The following PTPRD variants were observed in gnomAD, a reference collection of about 807,000 sequenced individuals.
The protein encoded by PTPRD is receptor-type tyrosine-protein phosphatase delta.
PTPRD carries 34 observed loss-of-function variants against 214.5 expected under a neutral mutation model. The ratio of observed to expected loss-of-function variants is 0.16; its 90% CI spans 0.12 to 0.21. PTPRD has a LOEUF of 0.21. Among genes scored for constraint, PTPRD ranks in the 10% least tolerant of loss-of-function variants. The pLI, the probability that PTPRD is intolerant of heterozygous loss-of-function variation, is 1.00. For missense variants in PTPRD, 2,545 were observed against 2,398.7 expected (o/e 1.06, Z -1.27); for synonymous variants, 1,128 against 845.7 (o/e 1.33, Z -5.79).
intron 3 of PTPRD, among the ~76,000 whole-genome samples, chr9:10,039,166 TAATTG>T (rs1475703444): frequency 2.6e-5 from 4 of 152,132 alleles, no homozygotes; most frequent in African/African-American, 9.6e-5. Context: ...ATCAAAATTA[TAATTG>T]AATTCCTGAA....
At chr9:8,515,245 T>C (rs1040904253) in intron 21 of PTPRD, among the ~76,000 whole-genome samples, 7 of 152,306 alleles carry the variant, frequency 4.6e-5, no homozygotes, top group African/African-American at 1.4e-4. Flanking sequence ...AATTTACTCA[T>C]TGGCAAGTGG....
chr9:9,748,950 T>G (rs1375025918), intron 6 of PTPRD, among the ~76,000 whole-genome samples: 1 of 152,222 alleles, frequency 6.6e-6, no homozygotes, highest in Non-Finnish European at 1.5e-5. Context: ...TGGTGATAAT[T>G]TGAGGTGGGA....
At chr9:8,804,024 C>G (rs1466037693) in intron 11 of PTPRD, among the ~76,000 whole-genome samples, 1 of 152,000 alleles carries the variant, frequency 6.6e-6, no homozygotes, top group Non-Finnish European at 1.5e-5. Context: ...GCAATCTTGG[C>G]TCACTGCAAC....
At chr9:8,876,153 C>T (rs180675492) in intron 11 of PTPRD, among the ~76,000 whole-genome samples, 17 of 152,148 alleles carry the variant, frequency 1.1e-4, no homozygotes, top group Admixed American at 8.5e-4. Flanking sequence ...TTTGTGTTTC[C>T]ACCAGTTTTG....
rs189841566 is a variant in PTPRD, at chr9:8,316,866, G to A, written c.*1008C>T. On this transcript the variant is annotated 3_prime_UTR_variant, in exon 46 of 46. Transcript: ENST00000381196. Reference sequence around the variant, plus strand: ...GAGATGTTTACAATAGCTTTTCTACGTTTAAAAAAACTAAATCATGGAAGA... The same window carrying A: ...GAGATGTTTACAATAGCTTTTCTACATTTAAAAAAACTAAATCATGGAAGA... 54 of 229,772 alleles carry A rather than the reference G, an allele frequency of 2.4e-4. No homozygotes were observed. Among genetic ancestry groups the A allele is most frequent in the South Asian group, 1.8e-4 (1 of 5,480 alleles). 14.2% of individuals were successfully genotyped at this position (229,772 alleles called of 1,614,324 possible).
intron 8 of PTPRD, among the ~76,000 whole-genome samples, chr9:9,555,971 C>T (rs1591501877): frequency 6.6e-6 from 1 of 152,102 alleles, no homozygotes; most frequent in African/African-American, 2.4e-5. Flanking sequence ...TAAATTACTC[C>T]TTTTATGGCC....
At chr9:9,746,880 A>G (rs913103479) in intron 6 of PTPRD, among the ~76,000 whole-genome samples, 2 of 151,330 alleles carry the variant, frequency 1.3e-5, no homozygotes, top group African/African-American at 2.4e-5. Flanking sequence ...AAGACAAAAT[A>G]TAGACAAGTA....
chr9:9,865,638 A>G (rs572196201), intron 5 of PTPRD, among the ~76,000 whole-genome samples: 15 of 152,304 alleles, frequency 9.8e-5, no homozygotes, highest in African/African-American at 3.6e-4. Context: ...AAAATGGACT[A>G]AGACAATAAT....
intron 9 of PTPRD, among the ~76,000 whole-genome samples, chr9:9,301,971 C>T (rs1480006194): frequency 2.0e-5 from 3 of 151,858 alleles, no homozygotes; most frequent in African/African-American, 7.2e-5. Flanking sequence ...GGTTCATTCA[C>T]TATTTAAAGT....
intron 4 of PTPRD, among the ~76,000 whole-genome samples, chr9:10,008,718 G>A (rs1414697991): frequency 6.6e-6 from 1 of 151,868 alleles, no homozygotes; most frequent in African/African-American, 2.4e-5. Context: ...CCTATAGGCT[G>A]TAACCTGGTA....
intron 11 of PTPRD, among the ~76,000 whole-genome samples, chr9:8,787,913 CT>C (rs1334364914): frequency 7.3e-6 from 1 of 136,512 alleles, no homozygotes; most frequent in African/African-American, 2.8e-5. Flanking sequence ...ACCCTATCAC[CT>C]TTTTTTAAAA....
chr9:8,910,159 C>G (rs2098737404), intron 11 of PTPRD, among the ~76,000 whole-genome samples: 2 of 152,104 alleles, frequency 1.3e-5, no homozygotes, highest in African/African-American at 4.8e-5. Flanking sequence ...CTGCCCCAGC[C>G]TCCCGAGTAG....
chr9:9,646,535 T>TTA (rs2154369875), intron 7 of PTPRD, among the ~76,000 whole-genome samples: 1 of 152,276 alleles, frequency 6.6e-6, no homozygotes, highest in South Asian at 2.1e-4. Flanking sequence ...AATGTAGGTA[T>TTA]TATTATCTGT....
At chr9:9,379,031 T>A (rs1569567833) in intron 9 of PTPRD, among the ~76,000 whole-genome samples, 1 of 151,622 alleles carries the variant, frequency 6.6e-6, no homozygotes. Context: ...TATCAATTAT[T>A]TCTTTCATGT....
chr9:8,332,386 C>T (rs1311597689), intron 43 of PTPRD, among the ~76,000 whole-genome samples: 2 of 152,056 alleles, frequency 1.3e-5, no homozygotes, highest in Non-Finnish European at 2.9e-5. Context: ...ATAGCATGAA[C>T]CATATGACTG....
At chr9:9,717,300 G>A (rs568303469) in intron 7 of PTPRD, among the ~76,000 whole-genome samples, 6 of 152,164 alleles carry the variant, frequency 3.9e-5, no homozygotes, top group Non-Finnish European at 8.8e-5. Context: ...CTCCAGCTTT[G>A]TTCTTTTCAC....
chr9:9,889,359 T>TA (rs2072330269), intron 5 of PTPRD, among the ~76,000 whole-genome samples: 3 of 152,164 alleles, frequency 2.0e-5, no homozygotes, highest in Non-Finnish European at 4.4e-5. Flanking sequence ...CTTCAAAACA[T>TA]CATGGCATAC....
intron 11 of PTPRD, among the ~76,000 whole-genome samples, chr9:8,873,131 T>C (rs1009437568): frequency 6.6e-6 from 1 of 152,214 alleles, no homozygotes; most frequent in Non-Finnish European, 1.5e-5. Context: ...GACTCTCCAC[T>C]GAGCTGTCGG....
At chr9:9,475,483 T>C (rs2094957968) in intron 8 of PTPRD, among the ~76,000 whole-genome samples, 1 of 152,160 alleles carries the variant, frequency 6.6e-6, no homozygotes, top group African/African-American at 2.4e-5. Flanking sequence ...AAAGATAGAT[T>C]TTATCAGCTC....
Sources: gnomAD v4.1 joint callset for allele counts (sites outside exome capture counted in the v4.1 genomes callset) on GRCh38, gnomAD v4.1.1 for gene constraint, MANE v1.5 for transcripts, NCBI Gene and HGNC (gene_info 2026-07-23, HGNC 2026-07-21) for gene names.